Variants in SEC14L3 observed in about 807,000 individuals in gnomAD.
SEC14L3 encodes the protein SEC14 like lipid binding 3, also known as SEC14-like protein 3.
In SEC14L3, 56 loss-of-function variants were observed where a neutral mutation model predicts 57.4. The ratio of observed to expected loss-of-function variants is 0.97; its 90% CI spans 0.79 to 1.22. SEC14L3 has a LOEUF of 1.22. Among genes scored for constraint, SEC14L3 ranks in the 50% most tolerant of loss-of-function variants. SEC14L3 has a pLI of 0.00. For synonymous variants in SEC14L3, 173 were observed against 194.4 expected (o/e 0.89, Z 0.92); for missense variants, 485 against 511.7 (o/e 0.95, Z 0.50).
At chr22:30,455,165 T>C (rs193289180), downstream of SEC14L3, among the ~76,000 whole-genome samples, 4 of 105,010 alleles carry the variant, frequency 3.8e-5, no homozygotes, top group South Asian at 2.5e-4. Flanking sequence ...ATTTAATATT[T>C]AATATATTAT....
intron 8 of SEC14L3, among the ~76,000 whole-genome samples, chr22:30,463,339 C>T (rs549346409): frequency 1.6e-4 from 25 of 152,314 alleles, no homozygotes; most frequent in African/African-American, 6.0e-4. Context: ...ATCCAGGCTA[C>T]CCGGTCCCCC....
chr22:30,455,173 T>TATATTTA (rs1353349778), downstream of SEC14L3, among the ~76,000 whole-genome samples: 1 of 109,986 alleles, frequency 9.1e-6, no homozygotes, highest in African/African-American at 3.7e-5. Context: ...TTTAATATAT[T>TATATTTA]ATATTTAATA....
At chr22:30,455,878 G>A (rs1264342046), downstream of SEC14L3, among the ~76,000 whole-genome samples, 1 of 152,248 alleles carries the variant, frequency 6.6e-6, no homozygotes, top group African/African-American at 2.4e-5. Flanking sequence ...TTTCTGGGCT[G>A]TTGGAACAGG....
chr22:30,461,980 A>G (rs750707277), intron 9 of SEC14L3, 106 bp downstream of exon 9: 168 of 1,238,618 alleles, frequency 1.4e-4, no homozygotes, highest in Non-Finnish European at 1.9e-4. Context: ...CTTAACACCC[A>G]GTTCTTGGCA....
chr22:30,467,166 T>G (rs1192767749), intron 5 of SEC14L3, 89 bp from the exon 6 acceptor site: 49 of 1,575,930 alleles, frequency 3.1e-5, no homozygotes, highest in Non-Finnish European at 4.1e-5. Context: ...TTGGGGCTTC[T>G]TCTAGACCCC....
rs528951632 is a variant in SEC14L3 at position 30,460,901 on chromosome 22, G to C, written c.1081+409C>G. On this transcript the variant is annotated intron_variant, in intron 11 of 11. Transcript: ENST00000215812. ...CTGGCTCACAGGTGAGCAAACCAAG[G>C]GTCCTTCCCAGATTGGTCAGACTTT... 7.9e-5 allele frequency among the ~76,000 whole-genome samples: 12 copies of C among 151,842 alleles called. No homozygotes were observed. In the East Asian group the frequency reaches 2.3e-3, roughly 29 times the overall value.
In SEC14L3 at chr22:30,461,413, C is replaced by G. The variant is rs367543382; in HGVS notation, c.978G>C (p.Glu326Asp). The G allele has an allele frequency of 3.3e-5, 53 of 1,614,000 alleles. No homozygotes were observed. The highest frequency in any genetic ancestry group is 1.6e-4 in the Middle Eastern group (1 of 6,084). The change falls in exon 11 of 12, where the codon GAG (glutamate) becomes GAC (aspartate). Residue 326 changes from glutamate to aspartate, a missense_variant. By Grantham distance (45) the Glu-to-Asp change is conservative. Coordinates refer to ENST00000215812, the MANE Select transcript of SEC14L3 (RefSeq NM_174975.5). ...FGVFLKTKMG[E>D]RQRAGEMTDV... ...CTGTCATCTCCCCTGCCCGCTGTCG[C>G]TCCCCCATCTTGGTCTTCAGGAAAA...
chr22:30,462,034 A>G (rs1362020081), intron 9 of SEC14L3, 52 bp downstream of exon 9: 1 of 1,559,530 alleles, frequency 6.4e-7, no homozygotes, highest in Admixed American at 1.8e-5. Flanking sequence ...GTGGAAAGGG[A>G]ATCCAGCTTA....
At chr22:30,452,560 G>A (rs1935008654) in intron 12 of SEC14L3, among the ~76,000 whole-genome samples, 1 of 151,754 alleles carries the variant, frequency 6.6e-6, no homozygotes, top group Non-Finnish European at 1.5e-5. Flanking sequence ...CCTTCTTCCT[G>A]TCACCTACTA....
downstream of SEC14L3, among the ~76,000 whole-genome samples, chr22:30,457,137 C>T (rs8142000): frequency 0.017 from 2,520 of 152,154 alleles, 89 homozygotes; most frequent in African/African-American, 0.058. Context: ...CACCCTGTCC[C>T]CCGACCCTGC....
chr22:30,456,277 C>A (rs1935117513), downstream of SEC14L3, among the ~76,000 whole-genome samples: 1 of 128,252 alleles, frequency 7.8e-6, no homozygotes, highest in Non-Finnish European at 1.5e-5. Flanking sequence ...CCTGCCTGGG[C>A]GACAGAGTGA....
At chr22:30,460,870 T>G (rs73168654) in intron 11 of SEC14L3, among the ~76,000 whole-genome samples, 9,216 of 150,706 alleles carry the variant, frequency 0.061, 411 homozygotes, top group Non-Finnish European at 0.094. Flanking sequence ...ACAGGCATTG[T>G]AACTCCTGGC....
intron 1 of SEC14L3, chr22:30,471,408 A>C: frequency 2.6e-6 from 1 of 387,762 alleles, no homozygotes; most frequent in South Asian, 2.0e-5. Context: ...TTTTCATCCC[A>C]TCTTCTATTA....
chr22:30,460,524 C>T (rs2038772258), intron 11 of SEC14L3, among the ~76,000 whole-genome samples: 1 of 152,186 alleles, frequency 6.6e-6, no homozygotes, highest in Admixed American at 6.5e-5. Flanking sequence ...TGTTTGCCTC[C>T]TCACAACCAC....
At position 30,449,134 on chromosome 22, in the gene SEC14L3, G is replaced by A. The variant is rs148884364; in HGVS notation, c.1015C>T (p.Arg339Ter). 1.9e-4 allele frequency: 289 copies of A among 1,550,522 alleles called. 1 individual carries two copies. The African/African-American group carries it at 3.0e-3, about 16-fold the overall frequency. The change falls in exon 13 of 13, where the codon CGA becomes TGA. Residue 339 changes from arginine to a stop codon, truncating the protein, a stop_gained. Transcript: ENST00000403066. LOFTEE classifies it high-confidence loss of function. ...AAAGGCCTACTTAGCTTGCATTTTCGTACCATTTGGTATGCCATCACTTGC... is the reference window on the plus strand; with the variant it reads ...AAAGGCCTACTTAGCTTGCATTTTCATACCATTTGGTATGCCATCACTTGC...
chr22:30,449,145 T>C (rs1372222605), exon 13 of SEC14L3: 1 of 1,550,596 alleles, frequency 6.4e-7, no homozygotes, highest in South Asian at 1.2e-5. Context: ...TACCATTTGG[T>C]ATGCCATCAC....
At chr22:30,458,347 A>G (rs1935155207), downstream of SEC14L3, among the ~76,000 whole-genome samples, 1 of 152,186 alleles carries the variant, frequency 6.6e-6, no homozygotes, top group Non-Finnish European at 1.5e-5. Context: ...GCTGAGGAAC[A>G]CAAGCCCTGC....
At chr22:30,450,819 G>A (rs1453894872) in intron 12 of SEC14L3, among the ~76,000 whole-genome samples, 6 of 152,196 alleles carry the variant, frequency 3.9e-5, no homozygotes, top group East Asian at 1.9e-4. Flanking sequence ...TCATCCACAC[G>A]GTGGGGAATC....
chr22:30,469,404 T>C (rs1043843196), intron 4 of SEC14L3, among the ~76,000 whole-genome samples: 18 of 152,140 alleles, frequency 1.2e-4, no homozygotes, highest in African/African-American at 4.3e-4. Context: ...ACCTACTTTT[T>C]TTGTAAAATG....
Sources: gnomAD v4.1 joint callset for allele counts (sites outside exome capture counted in the v4.1 genomes callset) on GRCh38, gnomAD v4.1.1 for gene constraint, MANE v1.5 for transcripts, NCBI Gene and HGNC (gene_info 2026-07-23, HGNC 2026-07-21) for gene names.